The following TLE7 variants were observed in gnomAD, a reference collection of about 807,000 sequenced individuals.
The protein encoded by TLE7 is transducin-like enhancer protein 7.
At chr16:71,436,977 T>A (rs980900649) in intron 1 of TLE7, among the ~76,000 whole-genome samples, 2 of 152,188 alleles carry the variant, frequency 1.3e-5, no homozygotes, top group African/African-American at 2.4e-5. Context: ...ATCCCAGCAC[T>A]TGGGGAGGCC....
intron 1 of TLE7, among the ~76,000 whole-genome samples, chr16:71,441,248 A>C (rs572636349): frequency 6.6e-6 from 1 of 152,296 alleles, no homozygotes; most frequent in East Asian, 1.9e-4. Context: ...AGAAAAGTTC[A>C]CTTTTTTTTG....
chr16:71,439,130 CTT>C (rs1473387457), intron 1 of TLE7, among the ~76,000 whole-genome samples: 1 of 152,174 alleles, frequency 6.6e-6, no homozygotes, highest in Non-Finnish European at 1.5e-5. Context: ...GGAATTCCCT[CTT>C]TGAAGGGAAA....
intron 1 of TLE7, among the ~76,000 whole-genome samples, chr16:71,436,921 C>T (rs1430472982): frequency 6.6e-6 from 1 of 152,190 alleles, no homozygotes; most frequent in African/African-American, 2.4e-5. Context: ...TGGACCCACT[C>T]CCAGAAATTC....
chr16:71,438,673 C>G (rs1381810355), intron 1 of TLE7, among the ~76,000 whole-genome samples: 2 of 124,452 alleles, frequency 1.6e-5, no homozygotes, highest in Non-Finnish European at 3.2e-5. Flanking sequence ...CAGGGTGAGA[C>G]TCCATCTCAA....
chr16:71,432,704 G>A lies in TLE7; in HGVS notation c.354C>T (p.Ser118=), dbSNP rs908024079. 1.1e-4 allele frequency: 42 copies of A among 398,616 alleles called. No individual in the cohort carries two copies. The highest frequency in any genetic ancestry group is 1.7e-4 in the Non-Finnish European group (39 of 226,144). The allele number at this position is 398,616 out of a possible 1,614,324, so 24.7% of individuals were successfully genotyped here. The part of the protein sequence containing the change: ...GSEVGQPYSS[S]SPSEEVLSLL... ...ATGAGAGGACTTCTTCACTGGGAGA[G>A]GAAGAAGAGTAAGGCTGGCCTGCAG... is the stretch of plus-strand genomic sequence containing the variant. The change falls in exon 4 of 10, where the codon TCC becomes TCT. Residue 118 remains serine (S), a synonymous_variant. Transcript: ENST00000561754.
chr16:71,432,383 T>C (rs2042808864), intron 4 of TLE7, 58 bp from the exon 5 acceptor site: 1 of 398,274 alleles, frequency 2.5e-6, no homozygotes, highest in South Asian at 1.4e-4. Context: ...AATAGGACAG[T>C]CCACCCCGTC....
chr16:71,432,550 G>A, intron 4 of TLE7, 115 bp downstream of exon 4: 1 of 398,142 alleles, frequency 2.5e-6, no homozygotes, highest in Non-Finnish European at 4.4e-6. Context: ...AAAAGGAGCA[G>A]GAGCCCAGGA....
intron 1 of TLE7, among the ~76,000 whole-genome samples, chr16:71,437,542 TC>T (rs544466598): frequency 7.8e-6 from 1 of 128,708 alleles, no homozygotes; most frequent in Admixed American, 7.8e-5. Context: ...TCTAACAAGT[TC>T]CCGATGTGTT....
intron 1 of TLE7, among the ~76,000 whole-genome samples, chr16:71,435,360 G>A (rs544660248): frequency 2.0e-5 from 3 of 152,120 alleles, no homozygotes; most frequent in South Asian, 2.1e-4. Flanking sequence ...GCAGTGAGCC[G>A]AGATCGTGCC....
chr16:71,440,355 G>A (rs377655295), intron 1 of TLE7, among the ~76,000 whole-genome samples: 2 of 152,192 alleles, frequency 1.3e-5, no homozygotes, highest in East Asian at 3.8e-4. Flanking sequence ...CCGGGCACCT[G>A]TAATCCCAGC....
chr16:71,440,129 C>A (rs965020261), intron 1 of TLE7, among the ~76,000 whole-genome samples: 2 of 152,190 alleles, frequency 1.3e-5, no homozygotes, highest in African/African-American at 2.4e-5. Context: ...ATTCTATCTA[C>A]ATGAAATATC....
chr16:71,434,389 G>A lies in TLE7; in HGVS notation c.-96-969C>T, dbSNP rs1479358283. Among the ~76,000 whole-genome samples the A allele has an allele frequency of 2.6e-5, 4 of 152,284 alleles. No individual in the cohort carries two copies. The East Asian group carries it at 5.8e-4, about 22-fold the overall frequency. ...AACAGCCAGCCCTAGGAAGGCCCTG[G>A]AGAGACCCAGGGTTCTATGAACAGA... On this transcript the variant is annotated intron_variant, in intron 1 of 9. Coordinates refer to ENST00000561754, the MANE Select transcript of TLE7 (RefSeq NM_001367365.2).
chr16:71,441,724 C>CCTGCCCCCTTCCAG (rs1182140052), intron 1 of TLE7, among the ~76,000 whole-genome samples: 3 of 152,272 alleles, frequency 2.0e-5, no homozygotes, highest in African/African-American at 7.2e-5. Flanking sequence ...GCCCCGCTCC[C>CCTGCCCCCTTCCAG]CTGCCCCCTT....
intron 1 of TLE7, among the ~76,000 whole-genome samples, chr16:71,441,553 G>A (rs1187197550): frequency 3.9e-5 from 6 of 152,234 alleles, no homozygotes; most frequent in Non-Finnish European, 7.3e-5. Context: ...CTTGGCCGGC[G>A]CCCCAGGGCC....
intron 1 of TLE7, among the ~76,000 whole-genome samples, chr16:71,439,928 T>C (rs1596987928): frequency 6.6e-6 from 1 of 152,224 alleles, no homozygotes; most frequent in Admixed American, 6.5e-5. Context: ...GAAGCATTAT[T>C]CACAGTAGCC....
At position 71,431,135 on chromosome 16, in the gene TLE7, T is replaced by C. The variant is rs2042801045; in HGVS notation, c.1133A>G (p.Lys378Arg). The change falls in exon 8 of 10, where the codon AAG becomes AGG. Residue 378 changes from lysine to arginine, a missense_variant. Lys to Arg is a conservative substitution (Grantham distance 26). Transcript: ENST00000561754. The surrounding 1 kb of genome is among the most constrained non-coding windows in gnomAD (Gnocchi z 4.5). Reference protein sequence around the residue: ...MKKYTRHHSLKFASCGSYFVT... With the variant: ...MKKYTRHHSLRFASCGSYFVT... ...TTCTCACTCACCACAGGAGGCAAACTTGAGGCTGTGGTGGCGGGTGTATTT... is the reference window on the plus strand; with the variant it reads ...TTCTCACTCACCACAGGAGGCAAACCTGAGGCTGTGGTGGCGGGTGTATTT... 1 of 400,760 alleles carries C rather than the reference T, an allele frequency of 2.5e-6. No individual in the cohort carries two copies. The allele number at this position is 400,760 out of a possible 1,614,324, so 24.8% of individuals were successfully genotyped here. A position where few individuals can be genotyped will look rare whatever the true frequency, so the allele number is the denominator to read the frequency against.
rs75986475 is a variant in TLE7, at chr16:71,430,155, C to G, written c.*107G>C. ...AGGGGAGGGATGACCCAAGCTAAGG[C>G]AGAGGAGATGGCAGGTGTTAGAGGT... On this transcript the variant is annotated 3_prime_UTR_variant, in exon 10 of 10. Transcript: ENST00000561754. 48,384 of 396,902 alleles carry G rather than the reference C, an allele frequency of 0.12. 3,480 individuals carry two copies. The highest frequency in any genetic ancestry group is 0.2 in the African/African-American group (9,591 of 48,658). 24.6% of individuals were successfully genotyped at this position (396,902 alleles called of 1,614,324 possible). A position where few individuals can be genotyped will look rare whatever the true frequency, so the allele number is the denominator to read the frequency against.
intron 1 of TLE7, among the ~76,000 whole-genome samples, chr16:71,438,812 G>A (rs1010653318): frequency 6.6e-6 from 1 of 152,164 alleles, no homozygotes. Context: ...GATGGACAGA[G>A]AGTGCATCCT....
At chr16:71,435,150 C>T (rs1359022220) in intron 1 of TLE7, among the ~76,000 whole-genome samples, 2 of 152,198 alleles carry the variant, frequency 1.3e-5, no homozygotes, top group Non-Finnish European at 2.9e-5. Flanking sequence ...CGGTAGCTCA[C>T]GCCTGTAATC....
Sources: allele counts gnomAD v4.1 joint callset (sites outside exome capture counted in the v4.1 genomes callset), GRCh38; gene constraint gnomAD v4.1.1; non-coding constraint Gnocchi (gnomAD v3.1); transcripts MANE v1.5; gene names NCBI Gene and HGNC (gene_info 2026-07-23, HGNC 2026-07-21).